The following CCDC148 variants were observed in gnomAD, a reference collection of about 807,000 sequenced individuals.
CCDC148 encodes the protein coiled-coil domain-containing protein 148.
A neutral mutation model predicts 85.7 loss-of-function variants in CCDC148; 89 were observed. The ratio of observed to expected loss-of-function variants is 1.04; its 90% CI spans 0.87 to 1.24. The LOEUF (loss-of-function observed/expected upper bound fraction) is 1.24. CCDC148 is among the 50% of genes most tolerant of loss of function. The probability of loss-of-function intolerance (pLI) is 0.00; values close to 1 mark genes in which losing one functional copy is unlikely to be tolerated. For missense variants in CCDC148, 692 were observed against 671.7 expected (o/e 1.03, Z -0.33); for synonymous variants, 230 against 213.9 (o/e 1.08, Z -0.66).
chr2:158,307,018 CAAAAAA>C (rs56030055), intron 9 of CCDC148, among the ~76,000 whole-genome samples: 1 of 134,282 alleles, frequency 7.4e-6, no homozygotes, highest in African/African-American at 2.8e-5. Flanking sequence ...GACTCCATCT[CAAAAAA>C]AAAAAAAAAT....
intron 10 of CCDC148, among the ~76,000 whole-genome samples, chr2:158,223,523 T>C (rs376410319): frequency 3.3e-5 from 5 of 152,270 alleles, no homozygotes; most frequent in African/African-American, 1.2e-4. Flanking sequence ...GACTGCCTCC[T>C]CAAGTGGGTC....
intron 9 of CCDC148, among the ~76,000 whole-genome samples, chr2:158,259,228 A>G (rs980423833): frequency 6.6e-6 from 1 of 151,718 alleles, no homozygotes; most frequent in African/African-American, 2.4e-5. Context: ...CCTCTTAGTT[A>G]TGTGCTCCCA....
At chr2:158,217,704 G>A (rs1331135362) in intron 11 of CCDC148, among the ~76,000 whole-genome samples, 3 of 151,870 alleles carry the variant, frequency 2.0e-5, no homozygotes, top group East Asian at 1.9e-4. Context: ...GCACCCGGTC[G>A]AATATTGTTT....
At chr2:158,297,042 G>A (rs985254583) in intron 9 of CCDC148, among the ~76,000 whole-genome samples, 3 of 152,158 alleles carry the variant, frequency 2.0e-5, no homozygotes, top group South Asian at 4.1e-4. Context: ...TAGGGAAGCC[G>A]ATAATGCAAG....
At chr2:158,300,349 C>T (rs922964308) in intron 9 of CCDC148, among the ~76,000 whole-genome samples, 2 of 152,120 alleles carry the variant, frequency 1.3e-5, no homozygotes, top group Non-Finnish European at 2.9e-5. Context: ...TAGGGGGAGG[C>T]TTACACCAAG....
intron 1 of CCDC148, among the ~76,000 whole-genome samples, chr2:158,421,073 C>A (rs1686756362): frequency 6.6e-6 from 1 of 152,102 alleles, no homozygotes; most frequent in Admixed American, 6.5e-5. Context: ...TACAGGAGCA[C>A]CCAGATTCAT....
chr2:158,440,107 G>T (rs1687866433), intron 1 of CCDC148, among the ~76,000 whole-genome samples: 1 of 151,964 alleles, frequency 6.6e-6, no homozygotes, highest in Non-Finnish European at 1.5e-5. Flanking sequence ...GGGCTCAAGA[G>T]ATCTTCCTGC....
intron 1 of CCDC148, among the ~76,000 whole-genome samples, chr2:158,360,685 G>A (rs190259316): frequency 2.6e-4 from 40 of 152,218 alleles, no homozygotes; most frequent in Non-Finnish European, 5.1e-4. Context: ...CAACATCAAA[G>A]ACCAAAGATA....
At chr2:158,321,065 T>C (rs2105220794) in intron 7 of CCDC148, among the ~76,000 whole-genome samples, 1 of 152,264 alleles carries the variant, frequency 6.6e-6, no homozygotes, top group Middle Eastern at 3.4e-3. Flanking sequence ...AACCCTTTTT[T>C]CCCTTGAAAA....
In CCDC148 at chr2:158,338,973, A is replaced by G. The variant is rs773753646; in HGVS notation, c.582+17T>C. 23 of 1,604,772 alleles carry G rather than the reference A, an allele frequency of 1.4e-5. No homozygotes were observed. The highest frequency in any genetic ancestry group is 1.1e-5 in the South Asian group (1 of 89,918). On this transcript the variant is annotated intron_variant, in intron 6 of 13. Coordinates refer to ENST00000283233, the MANE Select transcript of CCDC148 (RefSeq NM_138803.4). Reference sequence around the variant, plus strand: ...CAAATTGATAAACACATAAATTATTAGCCACATCACACTTACCTTTATACT... The same window carrying G: ...CAAATTGATAAACACATAAATTATTGGCCACATCACACTTACCTTTATACT...
intron 9 of CCDC148, among the ~76,000 whole-genome samples, chr2:158,288,433 A>C (rs1478090583): frequency 2.6e-5 from 4 of 152,106 alleles, no homozygotes; most frequent in Non-Finnish European, 4.4e-5. Context: ...GTCACCTCTT[A>C]AGTGTTTTGC....
At chr2:158,321,812 G>C (rs1050337113) in intron 7 of CCDC148, among the ~76,000 whole-genome samples, 1 of 152,018 alleles carries the variant, frequency 6.6e-6, no homozygotes, top group Admixed American at 6.6e-5. Context: ...AGTTTATTTT[G>C]AAATATGGTT....
chr2:158,418,845 G>T (rs371121832), intron 1 of CCDC148, among the ~76,000 whole-genome samples: 3 of 151,980 alleles, frequency 2.0e-5, no homozygotes, highest in African/African-American at 7.3e-5. Flanking sequence ...TACAATAAAC[G>T]TGTTTTAATG....
At chr2:158,230,177 TA>T (rs1165864273) in intron 10 of CCDC148, among the ~76,000 whole-genome samples, 4 of 151,976 alleles carry the variant, frequency 2.6e-5, no homozygotes, top group African/African-American at 7.3e-5. Flanking sequence ...AACTGGTACT[TA>T]AAAAAAATAA....
intron 7 of CCDC148, among the ~76,000 whole-genome samples, chr2:158,335,662 A>G (rs1253535796): frequency 6.6e-6 from 1 of 152,120 alleles, no homozygotes; most frequent in East Asian, 1.9e-4. Flanking sequence ...TATGGGGGAT[A>G]CTGCCCCCAT....
chr2:158,377,913 C>T (rs1252695724), intron 1 of CCDC148, among the ~76,000 whole-genome samples: 1 of 152,114 alleles, frequency 6.6e-6, no homozygotes, highest in Non-Finnish European at 1.5e-5. Flanking sequence ...CTTTCCCTCT[C>T]CTGGGCTGTC....
intron 9 of CCDC148, among the ~76,000 whole-genome samples, chr2:158,269,401 G>A (rs1320058696): frequency 6.6e-6 from 1 of 152,112 alleles, no homozygotes; most frequent in Non-Finnish European, 1.5e-5. Context: ...GTAGGACCTG[G>A]CAGCAACTCA....
intron 11 of CCDC148, among the ~76,000 whole-genome samples, chr2:158,180,486 C>T (rs756881088): frequency 1.8e-4 from 27 of 152,166 alleles, no homozygotes; most frequent in Non-Finnish European, 2.6e-4. Flanking sequence ...AAGAGCTTCA[C>T]GGAGGAGGCA....
chr2:158,366,882 C>A (rs1684228854), intron 1 of CCDC148, among the ~76,000 whole-genome samples: 1 of 152,170 alleles, frequency 6.6e-6, no homozygotes, highest in Admixed American at 6.5e-5. Context: ...TCCATATCCA[C>A]TAGGTTGAAC....
Sources: allele counts gnomAD v4.1 joint callset (sites outside exome capture counted in the v4.1 genomes callset), GRCh38; gene constraint gnomAD v4.1.1; transcripts MANE v1.5; gene names NCBI Gene and HGNC (gene_info 2026-07-23, HGNC 2026-07-21).